Variants in PSTPIP2 observed in about 807,000 individuals in gnomAD.
PSTPIP2 encodes proline-serine-threonine phosphatase-interacting protein 2.
Under a neutral mutation model 63.3 loss-of-function variants are expected in PSTPIP2, and 33 were observed. That is an observed-to-expected ratio of 0.52 (90% CI 0.40 to 0.70). The LOEUF is 0.70. PSTPIP2 is among the 30% of genes least tolerant of loss of function. PSTPIP2 has a pLI of 0.00. For missense variants in PSTPIP2, 312 were observed against 400.7 expected (o/e 0.78, Z 1.89); for synonymous variants, 125 against 132.7 (o/e 0.94, Z 0.40).
At chr18:45,995,470 A>C (rs554377102) in intron 9 of PSTPIP2, among the ~76,000 whole-genome samples, 18 of 152,162 alleles carry the variant, frequency 1.2e-4, no homozygotes, top group Admixed American at 5.9e-4. Context: ...ATGTTTTTAA[A>C]CCTTATTAAA....
At position 45,985,183 on chromosome 18, in the gene PSTPIP2, C is replaced by T. The variant is rs1271601676; in HGVS notation, c.*276G>A. The T allele has an allele frequency of 2.1e-6, 1 of 469,202 alleles. No homozygotes were observed. Among genetic ancestry groups the T allele is most frequent in the Non-Finnish European group, 3.7e-6 (1 of 269,092 alleles). The allele number at this position is 469,202 out of a possible 1,614,324, so 29.1% of individuals were successfully genotyped here. On this transcript the variant is annotated 3_prime_UTR_variant, in exon 15 of 15. Coordinates refer to ENST00000409746, the MANE Select transcript of PSTPIP2 (RefSeq NM_024430.4). ...AAATCCAGAAGTGGATTTCATGCTT[C>T]CCATGTTGAAAACCTAATTCATTCA...
At chr18:45,988,347 A>T (rs1247735933) in intron 14 of PSTPIP2, among the ~76,000 whole-genome samples, 2 of 150,742 alleles carry the variant, frequency 1.3e-5, no homozygotes, top group Non-Finnish European at 2.9e-5. Flanking sequence ...AGGTGGGAAG[A>T]TCACTTGAAC....
At chr18:46,030,801 C>T (rs756781019) in intron 2 of PSTPIP2, among the ~76,000 whole-genome samples, 2 of 152,178 alleles carry the variant, frequency 1.3e-5, no homozygotes, top group East Asian at 1.9e-4. Flanking sequence ...ACTGGTATAA[C>T]GAATGTTCTT....
At chr18:46,003,315 G>A (rs1156678842) in intron 6 of PSTPIP2, among the ~76,000 whole-genome samples, 1 of 152,044 alleles carries the variant, frequency 6.6e-6, no homozygotes, top group African/African-American at 2.4e-5. Context: ...GTTACCTCCT[G>A]GTGGGAGTGA....
chr18:46,042,891 T>C (rs1356572334), intron 1 of PSTPIP2, among the ~76,000 whole-genome samples: 1 of 152,158 alleles, frequency 6.6e-6, no homozygotes, highest in Admixed American at 6.5e-5. Context: ...CCACTTTAAC[T>C]TGGCCTTCAG....
chr18:45,992,915 G>A (rs561893405), intron 10 of PSTPIP2, among the ~76,000 whole-genome samples: 6 of 152,050 alleles, frequency 3.9e-5, no homozygotes, highest in South Asian at 4.2e-4. Context: ...TAGTAGAGAC[G>A]GGGTTTCACC....
intron 3 of PSTPIP2, among the ~76,000 whole-genome samples, chr18:46,019,278 G>A (rs1428689774): frequency 6.6e-6 from 1 of 152,104 alleles, no homozygotes; most frequent in Non-Finnish European, 1.5e-5. Context: ...TACTATTTTA[G>A]AAATTAAAGG....
chr18:46,051,476 GA>G (rs1018395377), intron 1 of PSTPIP2, among the ~76,000 whole-genome samples: 103 of 145,056 alleles, frequency 7.1e-4, no homozygotes, highest in African/African-American at 2.0e-3. Flanking sequence ...TCTGTCTCAA[GA>G]AAAAAAAAAA....
chr18:46,024,704 A>G lies in PSTPIP2; in HGVS notation c.135-18T>C. ...TTGCTGCCCTAGGGGAACAGAAGAG[A>G]GGGTTATGGGTCCTTCTCAGAGCTG... On this transcript the variant is annotated intron_variant, in intron 2 of 14. Transcript: ENST00000409746. 6.2e-7 allele frequency: 1 copy of G among 1,600,914 alleles called. No homozygotes were observed. Among genetic ancestry groups the G allele is most frequent in the Non-Finnish European group, 8.6e-7 (1 of 1,168,140 alleles).
intron 3 of PSTPIP2, among the ~76,000 whole-genome samples, chr18:46,018,507 T>C (rs1249107204): frequency 6.6e-6 from 1 of 152,100 alleles, no homozygotes; most frequent in Non-Finnish European, 1.5e-5. Context: ...TAGCTGGGAT[T>C]ACAGGTGCCC....
chr18:46,023,845 A>C (rs1343172929), intron 3 of PSTPIP2, among the ~76,000 whole-genome samples: 1 of 151,818 alleles, frequency 6.6e-6, no homozygotes, highest in Non-Finnish European at 1.5e-5. Context: ...AAACACACAC[A>C]TACAATACAC....
chr18:46,009,722 A>G (rs2051774640), intron 5 of PSTPIP2, among the ~76,000 whole-genome samples: 1 of 152,194 alleles, frequency 6.6e-6, no homozygotes, highest in Non-Finnish European at 1.5e-5. Context: ...CACTTAAAAC[A>G]TGCAAGGAAA....
At chr18:46,027,757 A>G (rs558157541) in intron 2 of PSTPIP2, among the ~76,000 whole-genome samples, 3 of 152,202 alleles carry the variant, frequency 2.0e-5, no homozygotes, top group East Asian at 1.9e-4. Flanking sequence ...GAAGAAAAAA[A>G]ACTGAAGTGA....
At chr18:45,987,517 G>A (rs1249053994) in intron 14 of PSTPIP2, among the ~76,000 whole-genome samples, 1 of 103,704 alleles carries the variant, frequency 9.6e-6, no homozygotes. Flanking sequence ...TCCACACTGA[G>A]ATCAGGAATA....
intron 2 of PSTPIP2, among the ~76,000 whole-genome samples, chr18:46,036,386 T>G (rs1248348071): frequency 6.6e-6 from 1 of 152,190 alleles, no homozygotes; most frequent in Non-Finnish European, 1.5e-5. Flanking sequence ...GTCAGACAGC[T>G]AATAAGGAGT....
intron 1 of PSTPIP2, among the ~76,000 whole-genome samples, chr18:46,055,616 G>A (rs1488593573): frequency 6.6e-6 from 1 of 152,188 alleles, no homozygotes; most frequent in East Asian, 1.9e-4. Flanking sequence ...ACTGTGCCCA[G>A]CCAGTGCCAA....
intron 1 of PSTPIP2, among the ~76,000 whole-genome samples, chr18:46,056,549 A>G (rs1908761908): frequency 6.6e-6 from 1 of 152,124 alleles, no homozygotes. Flanking sequence ...CCACACAGCA[A>G]GACTCTGTCT....
rs111926437 is a variant in PSTPIP2 at position 46,015,899 on chromosome 18, T to G, written c.247+4A>C. 6.2e-7 allele frequency: 1 copy of G among 1,611,314 alleles called. No individual in the cohort carries two copies. The highest frequency in any genetic ancestry group is 1.7e-5 in the Admixed American group (1 of 59,822). On this transcript the variant is annotated splice_donor_region_variant and intron_variant, in intron 4 of 14. Coordinates refer to ENST00000409746, the MANE Select transcript of PSTPIP2 (RefSeq NM_024430.4). The stretch of plus-strand genomic sequence containing the variant: ...ATACATTTTTTAAAAAAAAAATCAC[T>G]TACGCTGCTTGAAGACTTCAAGGGC...
chr18:46,037,740 C>A (rs147189995), intron 2 of PSTPIP2, among the ~76,000 whole-genome samples: 1 of 152,198 alleles, frequency 6.6e-6, no homozygotes, highest in Non-Finnish European at 1.5e-5. Flanking sequence ...GCAGGCCACA[C>A]GCTCAGGGGC....
Sources: allele counts gnomAD v4.1 joint callset (sites outside exome capture counted in the v4.1 genomes callset), GRCh38; gene constraint gnomAD v4.1.1; transcripts MANE v1.5; gene names NCBI Gene and HGNC (gene_info 2026-07-23, HGNC 2026-07-21).